Variants in CSDC2 observed in about 807,000 individuals in gnomAD.
CSDC2 encodes cold shock domain containing C2, also known as cold shock domain-containing protein C2.
Under a neutral mutation model 15.8 loss-of-function variants are expected in CSDC2, and 8 were observed. That is an observed-to-expected ratio of 0.51 (90% CI 0.30 to 0.92). CSDC2 has a LOEUF of 0.92. Among genes scored for constraint, CSDC2 ranks in the 40% least tolerant of loss-of-function variants. The pLI is 0.07. For synonymous variants in CSDC2, 96 were observed against 92.3 expected, an observed-to-expected ratio of 1.04 and a Z score of -0.23; for missense variants, 195 against 213.3, an observed-to-expected ratio of 0.91 and a Z score of 0.53.
chr22:41,569,960 A>G (rs2067136817), intron 1 of CSDC2, among the ~76,000 whole-genome samples: 1 of 151,754 alleles, frequency 6.6e-6, no homozygotes, highest in Admixed American at 6.6e-5. Context: ...TTGTATTTTT[A>G]GGAGAGACGG....
At chr22:41,563,374 C>T (rs1054988413) in intron 1 of CSDC2, among the ~76,000 whole-genome samples, 17 of 152,156 alleles carry the variant, frequency 1.1e-4, no homozygotes, top group African/African-American at 3.9e-4. Flanking sequence ...GCACAAGCTC[C>T]CGATGTTCGG....
rs1218956062 is a variant in CSDC2 at position 41,573,422 on chromosome 22, T to G, written c.177-233T>G. ...TATGTTGTCCAGGCTGGTCTCAAAC[T>G]CCTAGGCCCAAGTGATCCTCCCGCC... On this transcript the variant is annotated intron_variant, in intron 2 of 3. Coordinates refer to ENST00000306149, the MANE Select transcript of CSDC2 (RefSeq NM_014460.4). Among the ~76,000 whole-genome samples, 5 of 152,022 alleles carry G rather than the reference T, an allele frequency of 3.3e-5. No homozygotes were observed. The South Asian group carries it at 1.0e-3, about 32-fold the overall frequency.
chr22:41,564,352 C>T (rs902764625), intron 1 of CSDC2, among the ~76,000 whole-genome samples: 5 of 152,138 alleles, frequency 3.3e-5, no homozygotes, highest in South Asian at 2.1e-4. Context: ...CTCCGTCTCC[C>T]GGGTTCACAC....
rs201648265 is a variant in CSDC2, at chr22:41,573,741, A to C, written c.263A>C (p.Glu88Ala). ...CAGGGCCATGGCTTCATCACCCCCG[A>C]GAACGGGTCCGAGGACATCTTCGTA... The part of the protein sequence containing the change: ...RSQGHGFITP[E>A]NGSEDIFVHV... Residue 88 changes from glutamate to alanine, a missense_variant, in exon 3 of 4, where the codon GAG becomes GCG. By Grantham distance (107) the Glu-to-Ala change is moderately radical. Transcript: ENST00000306149. 1.3e-5 allele frequency: 21 copies of C among 1,613,860 alleles called. No individual in the cohort carries two copies. Among genetic ancestry groups the C allele is most frequent in the Non-Finnish European group, 1.7e-5 (20 of 1,179,920 alleles).
At chr22:41,568,833 T>C (rs188932279) in intron 1 of CSDC2, among the ~76,000 whole-genome samples, 26 of 152,358 alleles carry the variant, frequency 1.7e-4, no homozygotes, top group African/African-American at 5.5e-4. Context: ...CCCTCGACCC[T>C]GGCCCAGAAT....
In CSDC2 at chr22:41,571,924, C is replaced by T. The variant is rs1307346366; in HGVS notation, c.-42C>T. On this transcript the variant is annotated 5_prime_UTR_variant, in exon 2 of 4. Coordinates refer to ENST00000306149, the MANE Select transcript of CSDC2 (RefSeq NM_014460.4). ...AGGACGACCAAACCCCTCACCGGCC[C>T]CTGGGCCCCAGAGCCCACCAGGCTC... 3 of 1,274,850 alleles carry T rather than the reference C, an allele frequency of 2.4e-6. No homozygotes were observed. Among genetic ancestry groups the T allele is most frequent in the East Asian group, 3.1e-5 (1 of 31,758 alleles). The allele number at this position is 1,274,850 out of a possible 1,614,324, so 79.0% of individuals were successfully genotyped here.
At chr22:41,573,023 G>A (rs184108519) in intron 2 of CSDC2, among the ~76,000 whole-genome samples, 8 of 152,192 alleles carry the variant, frequency 5.3e-5, no homozygotes, top group African/African-American at 9.6e-5. Context: ...CGACTGGTGC[G>A]TGCCACCACC....
At chr22:41,574,616 G>T (rs2067165632) in intron 3 of CSDC2, 117 bp from the exon 4 acceptor site, 2 of 1,250,364 alleles carry the variant, frequency 1.6e-6, no homozygotes, top group Admixed American at 5.1e-5. Context: ...AGCAAGGCCT[G>T]GCCAGGCCTC....
At chr22:41,571,711 C>T (rs914911045) in intron 1 of CSDC2, 132 bp from the exon 2 acceptor site, 4 of 367,020 alleles carry the variant, frequency 1.1e-5, no homozygotes, top group South Asian at 1.5e-4. Context: ...CTCTGAACCA[C>T]GATGGGGTCG....
intron 1 of CSDC2, among the ~76,000 whole-genome samples, chr22:41,568,911 T>C (rs1293166904): frequency 2.0e-5 from 3 of 152,356 alleles, no homozygotes; most frequent in Admixed American, 2.0e-4. Context: ...CACAGTCACT[T>C]GGGTGGGAGG....
intron 1 of CSDC2, among the ~76,000 whole-genome samples, chr22:41,566,673 C>T (rs1601992826): frequency 6.7e-6 from 1 of 149,228 alleles, no homozygotes; most frequent in African/African-American, 2.5e-5. Context: ...GACTCAGTGG[C>T]TCACGCCTGT....
At chr22:41,568,727 G>A (rs937017033) in intron 1 of CSDC2, among the ~76,000 whole-genome samples, 2 of 152,226 alleles carry the variant, frequency 1.3e-5, no homozygotes, top group African/African-American at 2.4e-5. Flanking sequence ...AGGCCAACTC[G>A]CTGCCTCCTC....
At chr22:41,568,379 G>A (rs2067127790) in intron 1 of CSDC2, among the ~76,000 whole-genome samples, 2 of 152,076 alleles carry the variant, frequency 1.3e-5, no homozygotes, top group South Asian at 4.1e-4. Context: ...GACCTCCTGG[G>A]TTCAAGCAAT....
intron 2 of CSDC2, among the ~76,000 whole-genome samples, chr22:41,572,419 TC>T (rs2067151895): frequency 8.9e-6 from 1 of 112,808 alleles, no homozygotes; most frequent in Non-Finnish European, 1.8e-5. Context: ...CATCCATCCA[TC>T]CATCCATCCA....
At chr22:41,568,768 C>T (rs2067129738) in intron 1 of CSDC2, among the ~76,000 whole-genome samples, 1 of 152,240 alleles carries the variant, frequency 6.6e-6, no homozygotes, top group African/African-American at 2.4e-5. Flanking sequence ...GCTCTTCTGC[C>T]TCCCTTCTGC....
intron 1 of CSDC2, among the ~76,000 whole-genome samples, chr22:41,566,143 TAA>T (rs35579661): frequency 0.021 from 2,179 of 103,226 alleles, 56 homozygotes; most frequent in African/African-American, 0.074. Flanking sequence ...CATCTCTGAT[TAA>T]AAAAAAAAAA....
intron 1 of CSDC2, among the ~76,000 whole-genome samples, chr22:41,569,704 A>G (rs958931143): frequency 1.3e-5 from 2 of 150,420 alleles, no homozygotes; most frequent in African/African-American, 2.5e-5. Flanking sequence ...GGCTGTTTTC[A>G]CTTGTTGGCT....
chr22:41,574,985 C>T lies in CSDC2; in HGVS notation c.*90C>T. ...CCGGCTCCATGCCCCACTGCCCTGG[C>T]TGATGAGTCCTTCGGTGGCCTCAGT... On this transcript the variant is annotated 3_prime_UTR_variant, in exon 4 of 4. Coordinates refer to ENST00000306149, the MANE Select transcript of CSDC2 (RefSeq NM_014460.4). 7.0e-7 allele frequency: 1 copy of T among 1,424,780 alleles called. No individual in the cohort carries two copies. The highest frequency in any genetic ancestry group is 9.5e-7 in the Non-Finnish European group (1 of 1,056,382). The allele number at this position is 1,424,780 out of a possible 1,614,324, so 88.3% of individuals were successfully genotyped here. A position where few individuals can be genotyped will look rare whatever the true frequency, so the allele number is the denominator to read the frequency against.
intron 2 of CSDC2, among the ~76,000 whole-genome samples, chr22:41,572,347 C>CCATCCATCCATCCAT (rs2067149675): frequency 2.5e-5 from 1 of 39,762 alleles, no homozygotes; most frequent in Non-Finnish European, 5.4e-5. Context: ...CATCCATCCA[C>CCATCCATCCATCCAT]CCACCCACCC....
Sources: gnomAD v4.1 joint callset for allele counts (sites outside exome capture counted in the v4.1 genomes callset) on GRCh38, gnomAD v4.1.1 for gene constraint, MANE v1.5 for transcripts, NCBI Gene and HGNC (gene_info 2026-07-23, HGNC 2026-07-21) for gene names.